Variants in MTUS2 observed in about 807,000 individuals in gnomAD.
MTUS2 encodes the protein microtubule-associated tumor suppressor candidate 2.
In MTUS2, 40 loss-of-function variants were observed where a neutral mutation model predicts 114.1. The ratio of observed to expected loss-of-function variants is 0.35; its 90% CI spans 0.27 to 0.46. MTUS2 has a LOEUF of 0.46. Among genes scored for constraint, MTUS2 ranks in the 20% least tolerant of loss-of-function variants. The probability of loss-of-function intolerance (pLI) is 1.00; values close to 1 mark genes in which losing one functional copy is unlikely to be tolerated. For missense variants in MTUS2, 1,679 were observed against 1,705.4 expected (o/e 0.98, Z 0.27); for synonymous variants, 688 against 672.0 (o/e 1.02, Z -0.37).
intron 6 of MTUS2, among the ~76,000 whole-genome samples, chr13:29,318,529 A>G (rs967087154): frequency 6.6e-6 from 1 of 151,978 alleles, no homozygotes; most frequent in Non-Finnish European, 1.5e-5. Context: ...ATTTTTTAAA[A>G]TCTATAATTG....
intron 1 of MTUS2, among the ~76,000 whole-genome samples, chr13:28,836,828 G>A (rs534555987): frequency 6.6e-6 from 1 of 152,220 alleles, no homozygotes; most frequent in Non-Finnish European, 1.5e-5. Flanking sequence ...TTATTTGAGG[G>A]CACCTACAAG....
intron 5 of MTUS2, among the ~76,000 whole-genome samples, chr13:29,103,933 T>C (rs1013678346): frequency 6.6e-6 from 1 of 152,200 alleles, no homozygotes; most frequent in African/African-American, 2.4e-5. Flanking sequence ...TTATGAGTGT[T>C]TCCTAGGCTA....
At chr13:29,491,853 T>C (rs1371589568) in intron 11 of MTUS2, among the ~76,000 whole-genome samples, 1 of 146,452 alleles carries the variant, frequency 6.8e-6, no homozygotes, top group Non-Finnish European at 1.5e-5. Flanking sequence ...GTGTGTGGCA[T>C]GTGCCATGTA....
intron 4 of MTUS2, among the ~76,000 whole-genome samples, chr13:29,043,685 A>G (rs1887479111): frequency 7.2e-6 from 1 of 138,894 alleles, no homozygotes; most frequent in Admixed American, 7.6e-5. Context: ...TAGTCCTTTT[A>G]TCATTATATA....
At chr13:29,342,048 T>C (rs1901426362) in intron 7 of MTUS2, among the ~76,000 whole-genome samples, 1 of 152,350 alleles carries the variant, frequency 6.6e-6, no homozygotes, top group Admixed American at 6.5e-5. Flanking sequence ...TTTTGGTGAC[T>C]GTATCCTTAA....
intron 11 of MTUS2, among the ~76,000 whole-genome samples, chr13:29,492,277 G>T (rs1882235237): frequency 6.7e-6 from 1 of 150,014 alleles, no homozygotes. Flanking sequence ...GATGTGTGTG[G>T]CATGTGGTGT....
intron 6 of MTUS2, among the ~76,000 whole-genome samples, chr13:29,311,003 T>A (rs900731512): frequency 3.9e-4 from 60 of 152,192 alleles, no homozygotes; most frequent in African/African-American, 1.4e-3. Context: ...TTAGAATAAA[T>A]GAATCTATTG....
chr13:29,113,638 A>G (rs1229439921), intron 5 of MTUS2, among the ~76,000 whole-genome samples: 3 of 152,062 alleles, frequency 2.0e-5, no homozygotes, highest in African/African-American at 7.2e-5. Context: ...CCCTTATTGG[A>G]TAGTACAGTT....
At chr13:29,236,219 T>A (rs1417679564) in intron 5 of MTUS2, among the ~76,000 whole-genome samples, 1 of 152,230 alleles carries the variant, frequency 6.6e-6, no homozygotes, top group African/African-American at 2.4e-5. Context: ...TTGGATTCTT[T>A]ATAGCGTCTT....
intron 7 of MTUS2, among the ~76,000 whole-genome samples, chr13:29,341,758 G>A (rs1206690057): frequency 6.6e-6 from 1 of 152,066 alleles, no homozygotes; most frequent in Non-Finnish European, 1.5e-5. Context: ...TTATCTTCTA[G>A]AATTTTTATG....
Position 29,341,766 on chromosome 13 carries a change from AT to A in MTUS2, c.2905+17056del, listed in dbSNP as rs1901414169. On this transcript the variant is annotated intron_variant, in intron 7 of 15. Coordinates refer to ENST00000612955, the MANE Select transcript of MTUS2 (RefSeq NM_001033602.4). ...TCTGATGTTATCTTCTAGAATTTTT[AT>A]GGTTTCTTTAATTTTTGTAGATTTA... 3.3e-5 allele frequency among the ~76,000 whole-genome samples: 5 copies of A among 152,046 alleles called. No individual in the cohort carries two copies. In the South Asian group the frequency reaches 1.0e-3, roughly 32 times the overall value.
chr13:29,376,183 A>C (rs192906899), intron 8 of MTUS2, among the ~76,000 whole-genome samples: 2 of 152,292 alleles, frequency 1.3e-5, no homozygotes, highest in East Asian at 3.9e-4. Context: ...TTCCCTATTG[A>C]GTTCTTTAAA....
At chr13:28,990,273 GGGGATGGTATT>G (rs1272964001) in intron 2 of MTUS2, among the ~76,000 whole-genome samples, 3 of 152,188 alleles carry the variant, frequency 2.0e-5, no homozygotes, top group African/African-American at 7.2e-5. Flanking sequence ...TGAGAGGATG[GGGGATGGTATT>G]GGCAAGTTCA....
chr13:29,313,899 A>C (rs1354083767), intron 6 of MTUS2, among the ~76,000 whole-genome samples: 7 of 152,156 alleles, frequency 4.6e-5, no homozygotes, highest in African/African-American at 1.2e-4. Flanking sequence ...TAAAAGAGAA[A>C]TGCCTTAGCA....
chr13:29,274,235 T>C (rs943236891), intron 5 of MTUS2, among the ~76,000 whole-genome samples: 1 of 152,074 alleles, frequency 6.6e-6, no homozygotes, highest in Non-Finnish European at 1.5e-5. Context: ...TGCCTCAGCC[T>C]CCCGAGTAGC....
At position 29,364,271 on chromosome 13, in the gene MTUS2, G is replaced by A. The variant is rs1405369175; in HGVS notation, c.3117+4798G>A. On this transcript the variant is annotated intron_variant, in intron 8 of 15. Coordinates refer to ENST00000612955, the MANE Select transcript of MTUS2 (RefSeq NM_001033602.4). ...ATGGGAAGGAGTCTTGGAAGAGCAGGATGGAGAGAGGAGCAGAATGTGGGG... is the reference window on the plus strand; with the variant it reads ...ATGGGAAGGAGTCTTGGAAGAGCAGAATGGAGAGAGGAGCAGAATGTGGGG... 2.6e-5 allele frequency among the ~76,000 whole-genome samples: 4 copies of A among 152,314 alleles called. No individual in the cohort carries two copies. The South Asian group carries it at 6.2e-4, about 24-fold the overall frequency.
intron 1 of MTUS2, among the ~76,000 whole-genome samples, chr13:28,822,613 A>AGGCTTC (rs928452864): frequency 1.3e-5 from 2 of 152,088 alleles, no homozygotes; most frequent in Non-Finnish European, 2.9e-5. Flanking sequence ...TCCGTCACAG[A>AGGCTTC]GGCTTCTTTG....
At chr13:29,154,328 T>C (rs533352203) in intron 5 of MTUS2, among the ~76,000 whole-genome samples, 1 of 152,326 alleles carries the variant, frequency 6.6e-6, no homozygotes, top group African/African-American at 2.4e-5. Flanking sequence ...GCTTTTCAAG[T>C]GTTTAAAAGC....
intron 5 of MTUS2, among the ~76,000 whole-genome samples, chr13:29,121,912 G>A (rs1464277171): frequency 2.0e-5 from 3 of 151,864 alleles, no homozygotes; most frequent in Non-Finnish European, 2.9e-5. Context: ...CGCCCTCCTC[G>A]GCCTCCCAAC....
Sources: allele counts gnomAD v4.1 joint callset (sites outside exome capture counted in the v4.1 genomes callset), GRCh38; gene constraint gnomAD v4.1.1; transcripts MANE v1.5; gene names NCBI Gene and HGNC (gene_info 2026-07-23, HGNC 2026-07-21).